The following CASP14 variants were observed in gnomAD, a reference collection of about 807,000 sequenced individuals.
The protein encoded by CASP14 is caspase 14, also known as caspase-14.
A neutral mutation model predicts 28.4 loss-of-function variants in CASP14; 27 were observed. The ratio of observed to expected loss-of-function variants is 0.95; its 90% CI spans 0.70 to 1.31. The LOEUF (loss-of-function observed/expected upper bound fraction) is 1.31. CASP14 is among the 50% of genes most tolerant of loss of function. CASP14 has a pLI of 0.00. For missense variants in CASP14, 323 were observed against 312.8 expected, an observed-to-expected ratio of 1.03 and a Z score of -0.25; for synonymous variants, 115 against 118.6, an observed-to-expected ratio of 0.97 and a Z score of 0.20.
In CASP14 at chr19:15,056,597, T is replaced by A. The variant is rs933906297; in HGVS notation, c.*508T>A. ...AGAGTTAGTAAGGTAAGAACCATTC[T>A]TTCTCTCCAAAACCACTCCTCCTTG... is the stretch of plus-strand genomic sequence containing the variant. On this transcript the variant is annotated 3_prime_UTR_variant, in exon 7 of 7. Coordinates refer to ENST00000427043, the MANE Select transcript of CASP14 (RefSeq NM_012114.3). 47 of 155,002 alleles carry A rather than the reference T, an allele frequency of 3.0e-4. 1 individual carries two copies. Among genetic ancestry groups the A allele is most frequent in the Non-Finnish European group, 1.4e-5 (1 of 69,748 alleles). 9.6% of individuals were successfully genotyped at this position (155,002 alleles called of 1,614,324 possible).
Position 15,056,025 on chromosome 19 carries a change from G to A in CASP14, c.665G>A (p.Gly222Glu), listed in dbSNP as rs1568315995. 4 of 1,608,720 alleles carry A rather than the reference G, an allele frequency of 2.5e-6. No individual in the cohort carries two copies. The highest frequency in any genetic ancestry group is 1.1e-5 in the South Asian group (1 of 89,950). The change falls in exon 7 of 7, where the codon GGA becomes GAA. Residue 222 changes from glycine to glutamate, a missense_variant. Physicochemically the swap from Gly to Glu is moderately conservative, Grantham distance 98. Transcript: ENST00000427043. ...GCAGAAGCAGAGCTGGTTCAAGAAGGAAAAGCAAGGAAAACGAACCCTGAA... is the reference window on the plus strand; with the variant it reads ...GCAGAAGCAGAGCTGGTTCAAGAAGAAAAAGCAAGGAAAACGAACCCTGAA... ...RMAEAELVQE[G>E]KARKTNPEIQ... is the part of the protein sequence containing the mutation.
chr19:15,053,511 G>A lies in CASP14; in HGVS notation c.57G>A (p.Leu19=). Residue 19 remains leucine, a synonymous_variant, in exon 3 of 7, where the codon CTG becomes CTA. Transcript: ENST00000427043. The stretch of plus-strand genomic sequence containing the variant: ...AATATGATATGTCAGGTGCCCGCCT[G>A]GCCCTAATACTGTGTGTCACCAAAG... ...EEKYDMSGAR[L]ALILCVTKAR... is the part of the protein sequence containing the mutation. The A allele has an allele frequency of 4.3e-6, 7 of 1,614,080 alleles. No homozygotes were observed. Among genetic ancestry groups the A allele is most frequent in the Non-Finnish European group, 5.1e-6 (6 of 1,180,006 alleles).
At position 15,053,593 on chromosome 19, in the gene CASP14, A is replaced by C. The variant is rs1165603641; in HGVS notation, c.139A>C (p.Arg47=). 6.2e-7 allele frequency: 1 copy of C among 1,614,122 alleles called. No homozygotes were observed. The highest frequency in any genetic ancestry group is 8.5e-7 in the Non-Finnish European group (1 of 1,180,020). Residue 47 remains arginine (R), a synonymous_variant, in exon 3 of 7, where the codon AGA becomes CGA. Transcript: ENST00000427043. The part of the protein sequence containing the change: ...DALEHMFRQL[R]FESTMKRDPT... ...TCTGGAACACATGTTTCGGCAGCTG[A>C]GATTCGAAAGCACCATGAAAAGAGA...
chr19:15,055,605 C>T (rs1047769814), intron 6 of CASP14, 72 bp downstream of exon 6: 2 of 963,028 alleles, frequency 2.1e-6, no homozygotes, highest in South Asian at 2.7e-5. Context: ...GCTGAGCCTC[C>T]TCCTAACCCC....
At position 15,053,624 on chromosome 19, in the gene CASP14, C is replaced by G. The variant is rs769765204; in HGVS notation, c.170C>G (p.Thr57Ser). The stretch of plus-strand genomic sequence containing the variant: ...GAAAGCACCATGAAAAGAGACCCCA[C>G]TGCCGAGGTATTGGGGTGCCTACTC... ...RFESTMKRDPTAEQFQEELEK... is the reference protein window; with the variant it reads ...RFESTMKRDPSAEQFQEELEK... The change falls in exon 3 of 7, where the codon ACT becomes AGT. Residue 57 changes from threonine (T) to serine (S), a missense_variant. Thr to Ser is a moderately conservative substitution (Grantham distance 58). Transcript: ENST00000427043. 5.6e-6 allele frequency: 9 copies of G among 1,614,058 alleles called. No individual in the cohort carries two copies. The Admixed American group carries it at 1.5e-4, about 27-fold the overall frequency.
Position 15,053,490 on chromosome 19 carries a change from T to C in CASP14, c.36T>C (p.Tyr12=), listed in dbSNP as rs367920999. ...TCTTCTCTTGGCCCCAGGAGAAATA[T>C]GATATGTCAGGTGCCCGCCTGGCCC... ...SNPRSLEEEK[Y]DMSGARLALI... The change falls in exon 3 of 7, where the codon TAT becomes TAC. Residue 12 remains tyrosine, a synonymous_variant. Coordinates refer to ENST00000427043, the MANE Select transcript of CASP14 (RefSeq NM_012114.3). 6.8e-6 allele frequency: 11 copies of C among 1,613,988 alleles called. No individual in the cohort carries two copies. Among genetic ancestry groups the C allele is most frequent in the Non-Finnish European group, 8.5e-6 (10 of 1,180,006 alleles).
rs1386458311 is a variant in CASP14 at position 15,056,045 on chromosome 19, C to G, written c.685C>G (p.Pro229Ala). Residue 229 changes from proline (P) to alanine (A), a missense_variant, in exon 7 of 7, where the codon CCT (proline) becomes GCT (alanine). Physicochemically the swap from Pro to Ala is conservative, Grantham distance 27. Transcript: ENST00000427043. ...VQEGKARKTN[P>A]EIQSTLRKRL... is the part of the protein sequence containing the mutation. ...AGAAGGAAAAGCAAGGAAAACGAAC[C>G]CTGAAATCCAAAGCACCCTCCGGAA... The G allele has an allele frequency of 5.0e-6, 8 of 1,608,656 alleles. No individual in the cohort carries two copies. The highest frequency in any genetic ancestry group is 6.8e-6 in the Non-Finnish European group (8 of 1,177,450).
At chr19:15,053,112 TGTTTG>T (rs1330917200) in intron 2 of CASP14, among the ~76,000 whole-genome samples, 1 of 152,176 alleles carries the variant, frequency 6.6e-6, no homozygotes, top group Non-Finnish European at 1.5e-5. Context: ...TCTCTTGTTT[TGTTTG>T]TTCATTTTTG....
In CASP14 at chr19:15,055,437, C is replaced by A; in HGVS notation, c.528C>A (p.Ile176=). The A allele has an allele frequency of 1.2e-6, 2 of 1,613,916 alleles. No homozygotes were observed. Among genetic ancestry groups the A allele is most frequent in the South Asian group, 1.1e-5 (1 of 91,074 alleles). Residue 176 remains isoleucine (I), a synonymous_variant, in exon 6 of 7, where the codon ATC becomes ATA. Coordinates refer to ENST00000427043, the MANE Select transcript of CASP14 (RefSeq NM_012114.3). The part of the protein sequence containing the change: ...LHVYSTVEGY[I]AYRHDQKGSC... Reference sequence around the variant, plus strand: ...CCTCTCTGGAATTCCCAGGATACATCGCCTACCGACATGATCAGAAAGGCT... The same window carrying A: ...CCTCTCTGGAATTCCCAGGATACATAGCCTACCGACATGATCAGAAAGGCT...
chr19:15,052,151 T>A, intron 1 of CASP14, 55 bp from the exon 2 acceptor site: 1 of 1,351,390 alleles, frequency 7.4e-7, no homozygotes, highest in Middle Eastern at 1.8e-4. Flanking sequence ...GTTTGTCCCC[T>A]GAGCCCCTCG....
At chr19:15,054,789 A>C (rs2366725) in intron 4 of CASP14, 113,128 of 169,308 alleles carry the variant, frequency 0.67, 38,628 homozygotes, top group African/African-American at 0.82. Flanking sequence ...TACAGGTGCA[A>C]GCCACCATGC....
chr19:15,056,335 A>G lies in CASP14; in HGVS notation c.*246A>G, dbSNP rs1427094602. ...CAGGCTGGACTTTCTATCTTTATTAATGCAACCGAAGAGACCTAAGAGTGC... is the reference window on the plus strand; with the variant it reads ...CAGGCTGGACTTTCTATCTTTATTAGTGCAACCGAAGAGACCTAAGAGTGC... On this transcript the variant is annotated 3_prime_UTR_variant, in exon 7 of 7. Transcript: ENST00000427043. The G allele has an allele frequency of 2.5e-5, 10 of 395,772 alleles. No individual in the cohort carries two copies. The East Asian group carries it at 3.8e-4, about 15-fold the overall frequency. 24.5% of individuals were successfully genotyped at this position (395,772 alleles called of 1,614,324 possible). A position where few individuals can be genotyped will look rare whatever the true frequency, so the allele number is the denominator to read the frequency against.
At chr19:15,050,495 T>TGGA (rs1374662902) in intron 1 of CASP14, among the ~76,000 whole-genome samples, 1,634 of 135,210 alleles carry the variant, frequency 0.012, 48 homozygotes, top group African/African-American at 0.044. Context: ...GGTGGATGGA[T>TGGA]TGATGGATGG....
chr19:15,055,388 C>T (rs572983026), intron 5 of CASP14, 42 bp from the exon 6 acceptor site: 2 of 1,587,616 alleles, frequency 1.3e-6, no homozygotes, highest in Non-Finnish European at 1.7e-6. Context: ...CCTCTACCTA[C>T]CCTCTGAAGC....
rs1404535922 is a variant in CASP14, at chr19:15,055,410, C to T, written c.521-20C>T. On this transcript the variant is annotated intron_variant, in intron 5 of 6. Coordinates refer to ENST00000427043, the MANE Select transcript of CASP14 (RefSeq NM_012114.3). ...CTACCCTCTGAAGCTCCCCCGAACC[C>T]ACCTCTCTGGAATTCCCAGGATACA... 12 of 1,610,916 alleles carry T rather than the reference C, an allele frequency of 7.4e-6. No individual in the cohort carries two copies. The Admixed American group carries it at 1.8e-4, about 25-fold the overall frequency.
intron 2 of CASP14, among the ~76,000 whole-genome samples, chr19:15,053,018 T>C (rs1020661136): frequency 8.5e-5 from 13 of 152,348 alleles, no homozygotes; most frequent in South Asian, 2.1e-4. Flanking sequence ...GATATACTTA[T>C]ACTAAAAAGG....
chr19:15,055,397 G>T, intron 5 of CASP14, 33 bp from the exon 6 acceptor site: 1 of 1,601,146 alleles, frequency 6.2e-7, no homozygotes, highest in Non-Finnish European at 8.6e-7. Context: ...ACCCTCTGAA[G>T]CTCCCCCGAA....
At chr19:15,053,006 G>C (rs775829056) in intron 2 of CASP14, among the ~76,000 whole-genome samples, 6 of 152,138 alleles carry the variant, frequency 3.9e-5, no homozygotes, top group Non-Finnish European at 5.9e-5. Context: ...TGCAATATTT[G>C]GGATATACTT....
At chr19:15,054,822 G>T in intron 4 of CASP14, 1 of 188,290 alleles carries the variant, frequency 5.3e-6, no homozygotes, top group Non-Finnish European at 1.1e-5. Flanking sequence ...TGTATTTTTA[G>T]TAGAGATGGG....
Sources: gnomAD v4.1 joint callset for allele counts (sites outside exome capture counted in the v4.1 genomes callset) on GRCh38, gnomAD v4.1.1 for gene constraint, MANE v1.5 for transcripts, NCBI Gene and HGNC (gene_info 2026-07-23, HGNC 2026-07-21) for gene names.